Variants in SCAPER observed in about 807,000 individuals in gnomAD.
SCAPER encodes S-phase cyclin A associated protein in the ER.
A neutral mutation model predicts 182.2 loss-of-function variants in SCAPER; 98 were observed. The ratio of observed to expected loss-of-function variants is 0.54; its 90% CI spans 0.46 to 0.64. SCAPER has a LOEUF of 0.64. Among genes scored for constraint, SCAPER ranks in the 30% least tolerant of loss-of-function variants. The pLI, the probability that SCAPER is intolerant of heterozygous loss-of-function variation, is 0.00. For missense variants in SCAPER, 1,432 were observed against 1,690.0 expected (o/e 0.85, Z 2.68); for synonymous variants, 605 against 564.6 (o/e 1.07, Z -1.01).
chr15:76,434,744 C>T (rs979186584), intron 25 of SCAPER, among the ~76,000 whole-genome samples: 1 of 152,178 alleles, frequency 6.6e-6, no homozygotes, highest in Non-Finnish European at 1.5e-5. Context: ...CTGAATTCCT[C>T]TATCAGGATG....
chr15:76,703,927 C>G (rs141913053), intron 18 of SCAPER, among the ~76,000 whole-genome samples: 68 of 152,142 alleles, frequency 4.5e-4, no homozygotes, highest in African/African-American at 1.5e-3. Context: ...CAGTCTTCTA[C>G]CTTAGGGGTT....
chr15:76,758,659 T>C lies in SCAPER; in HGVS notation c.1726-4711A>G, dbSNP rs565757478. ...GATTTTGACAGAGATTGCACTGAAA[T>C]TGTAGATCACTTAAGGCTGTATGGA... On this transcript the variant is annotated intron_variant, in intron 14 of 31. Transcript: ENST00000563290. 4.1e-4 allele frequency among the ~76,000 whole-genome samples: 63 copies of C among 152,260 alleles called. 1 individual carries two copies. The South Asian group carries it at 6.0e-3, about 15-fold the overall frequency.
At chr15:76,557,621 C>G (rs1212455428) in intron 23 of SCAPER, among the ~76,000 whole-genome samples, 1 of 152,182 alleles carries the variant, frequency 6.6e-6, no homozygotes, top group Non-Finnish European at 1.5e-5. Context: ...TCCCCCTTTG[C>G]CTTCCACCAT....
At chr15:76,791,399 A>G (rs868089180) in intron 8 of SCAPER, among the ~76,000 whole-genome samples, 1 of 152,352 alleles carries the variant, frequency 6.6e-6, no homozygotes, top group East Asian at 1.9e-4. Context: ...AGAGAGAAGG[A>G]CAACGAGATC....
intron 21 of SCAPER, among the ~76,000 whole-genome samples, chr15:76,637,050 T>C (rs1417438653): frequency 6.6e-6 from 1 of 152,042 alleles, no homozygotes; most frequent in Non-Finnish European, 1.5e-5. Context: ...ATGTATAATA[T>C]AATGTTTTTG....
intron 28 of SCAPER, among the ~76,000 whole-genome samples, chr15:76,379,122 A>G (rs756826128): frequency 1.3e-5 from 2 of 152,220 alleles, no homozygotes; most frequent in Non-Finnish European, 2.9e-5. Context: ...AGTCATTGGT[A>G]TATTAAAGGC....
chr15:76,803,013 T>C (rs1241995097), intron 6 of SCAPER, among the ~76,000 whole-genome samples: 1 of 152,160 alleles, frequency 6.6e-6, no homozygotes, highest in Non-Finnish European at 1.5e-5. Context: ...CTAAACTACA[T>C]TGCTATATGT....
chr15:76,676,276 G>A (rs1205265148), intron 20 of SCAPER, among the ~76,000 whole-genome samples: 2 of 152,156 alleles, frequency 1.3e-5, no homozygotes, highest in Admixed American at 1.3e-4. Flanking sequence ...CACCCAGCCT[G>A]CACTGGCTGG....
chr15:76,430,664 T>G (rs62028411), intron 26 of SCAPER, among the ~76,000 whole-genome samples: 9,874 of 152,298 alleles, frequency 0.065, 359 homozygotes, highest in Middle Eastern at 0.11. Flanking sequence ...CTCCATTGCA[T>G]CTAAGAAGTA....
chr15:76,559,918 G>A (rs948626431), intron 23 of SCAPER, among the ~76,000 whole-genome samples: 3 of 150,550 alleles, frequency 2.0e-5, no homozygotes, highest in African/African-American at 7.3e-5. Context: ...ACTTGTATAT[G>A]TGTGTGTGTG....
chr15:76,543,055 A>G (rs1475049764), intron 23 of SCAPER, among the ~76,000 whole-genome samples: 1 of 152,164 alleles, frequency 6.6e-6, no homozygotes, highest in African/African-American at 2.4e-5. Flanking sequence ...TAATAGTTGT[A>G]TATCTCCATA....
intron 20 of SCAPER, among the ~76,000 whole-genome samples, chr15:76,696,232 G>C (rs1171959684): frequency 6.6e-6 from 1 of 152,190 alleles, no homozygotes; most frequent in African/African-American, 2.4e-5. Context: ...CCCTGGCCAA[G>C]ACAGTCAGCT....
chr15:76,844,271 G>GAAAA (rs34092470), intron 4 of SCAPER, among the ~76,000 whole-genome samples: 1 of 125,352 alleles, frequency 8.0e-6, no homozygotes. Flanking sequence ...ACAGAAAGAG[G>GAAAA]AAAAAAAAAA....
At chr15:76,568,224 T>TATATATATATATATATAC (rs1246463146) in intron 23 of SCAPER, among the ~76,000 whole-genome samples, 2 of 142,854 alleles carry the variant, frequency 1.4e-5, no homozygotes, top group Admixed American at 1.4e-4. Context: ...TATATATATA[T>TATATATATATATATATAC]ACAAATGGGA....
At chr15:76,541,106 C>A (rs1436360782) in intron 23 of SCAPER, among the ~76,000 whole-genome samples, 7 of 149,804 alleles carry the variant, frequency 4.7e-5, no homozygotes, top group African/African-American at 1.7e-4. Flanking sequence ...AATGACAGGG[C>A]AAGACTCCGT....
At chr15:76,580,019 T>C (rs2048152373) in intron 22 of SCAPER, among the ~76,000 whole-genome samples, 1 of 152,180 alleles carries the variant, frequency 6.6e-6, no homozygotes, top group Non-Finnish European at 1.5e-5. Flanking sequence ...CACAGATATG[T>C]AAAGCAAATA....
Position 76,603,890 on chromosome 15 carries a change from G to A in SCAPER, c.2711+17874C>T, listed in dbSNP as rs1302843952. On this transcript the variant is annotated intron_variant, in intron 22 of 31. Coordinates refer to ENST00000563290, the MANE Select transcript of SCAPER (RefSeq NM_020843.4). ...TTTTGATGGGGTTGTTTTTTTTCTT[G>A]TAAATTTGAGTTCATTGTAGATTCT... is the stretch of plus-strand genomic sequence containing the variant. Among the ~76,000 whole-genome samples, 10 of 118,332 alleles carry A rather than the reference G, an allele frequency of 8.5e-5. 2 individuals are homozygous for A. Among genetic ancestry groups the A allele is most frequent in the African/African-American group, 2.0e-4 (8 of 39,226 alleles). 77.6% of individuals were successfully genotyped at this position (118,332 alleles called of 152,430 possible). A position where few individuals can be genotyped will look rare whatever the true frequency, so the allele number is the denominator to read the frequency against.
Position 76,848,624 on chromosome 15 carries a change from A to G in SCAPER, c.196-6693T>C, listed in dbSNP as rs570459609. 1.1e-4 allele frequency among the ~76,000 whole-genome samples: 17 copies of G among 152,066 alleles called. 1 individual carries two copies. In the Middle Eastern group the frequency reaches 0.02, roughly 183 times the overall value. On this transcript the variant is annotated intron_variant, in intron 4 of 31. Transcript: ENST00000563290. ...GCTGGGATTATAGGCGTGAGCCACCATGCCCGGGCAAAGATTTATGTCTAC... is the reference window on the plus strand; with the variant it reads ...GCTGGGATTATAGGCGTGAGCCACCGTGCCCGGGCAAAGATTTATGTCTAC...
At chr15:76,365,580 C>A (rs890427140) in intron 29 of SCAPER, among the ~76,000 whole-genome samples, 3 of 152,220 alleles carry the variant, frequency 2.0e-5, no homozygotes, top group African/African-American at 4.8e-5. Flanking sequence ...TGAGAAAGAA[C>A]CCTATCTATA....
Sources: allele counts gnomAD v4.1 joint callset (sites outside exome capture counted in the v4.1 genomes callset), GRCh38; gene constraint gnomAD v4.1.1; transcripts MANE v1.5; gene names NCBI Gene and HGNC (gene_info 2026-07-23, HGNC 2026-07-21).